The following XKR6 variants were observed in gnomAD, a reference collection of about 807,000 sequenced individuals.
XKR6 encodes XK related 6.
A neutral mutation model predicts 56.7 loss-of-function variants in XKR6; 22 were observed. That is an observed-to-expected ratio of 0.39 (90% CI 0.28 to 0.55). The LOEUF (loss-of-function observed/expected upper bound fraction) is 0.55. XKR6 is among the 20% of genes least tolerant of loss of function. The pLI, the probability that XKR6 is intolerant of heterozygous loss-of-function variation, is 0.66. For synonymous variants in XKR6, 524 were observed against 387.8 expected, an observed-to-expected ratio of 1.35 and a Z score of -4.13; for missense variants, 852 against 889.0, an observed-to-expected ratio of 0.96 and a Z score of 0.53.
chr8:10,915,833 G>A (rs1291182318), intron 2 of XKR6, among the ~76,000 whole-genome samples: 1 of 152,230 alleles, frequency 6.6e-6, no homozygotes, highest in Non-Finnish European at 1.5e-5. Flanking sequence ...CCATGTTCTA[G>A]CGGGAGGAGG....
At chr8:11,186,219 C>G (rs886713621) in intron 1 of XKR6, among the ~76,000 whole-genome samples, 1 of 150,990 alleles carries the variant, frequency 6.6e-6, no homozygotes, top group African/African-American at 2.4e-5. Context: ...CTGGAAGGTA[C>G]CTGATCTACA....
At chr8:10,983,355 G>C (rs1797778729) in intron 1 of XKR6, among the ~76,000 whole-genome samples, 1 of 152,068 alleles carries the variant, frequency 6.6e-6, no homozygotes, top group African/African-American at 2.4e-5. Context: ...AGACTGTGAA[G>C]ACCTTAAAGG....
Position 10,898,016 on chromosome 8 carries a change from A to G in XKR6, c.1862T>C (p.Val621Ala). ...NILQYVTPTA[V>A]GIRYRDGPLL... ...TGGTCCGTCTCGATATCGAATGCCT[A>G]CTGCGGTGGGGGTGACATATTGTAG... is the stretch of plus-strand genomic sequence containing the variant. Residue 621 changes from valine (V) to alanine (A), a missense_variant, in exon 3 of 3, where the codon GTA (valine) becomes GCA (alanine). Val to Ala is a moderately conservative substitution (Grantham distance 64). Around this residue, in one of 4 missense-constraint regions of XKR6, gnomAD observed 39 missense variants for 62.5 expected, o/e 0.62. Transcript: ENST00000416569. The surrounding 1 kb of genome is among the most constrained non-coding windows in gnomAD (Gnocchi z 6.6). The G allele has an allele frequency of 6.2e-7, 1 of 1,613,182 alleles. No homozygotes were observed. The highest frequency in any genetic ancestry group is 8.5e-7 in the Non-Finnish European group (1 of 1,179,638).
intron 1 of XKR6, among the ~76,000 whole-genome samples, chr8:10,966,247 C>G (rs1242639082): frequency 2.0e-5 from 3 of 152,018 alleles, no homozygotes; most frequent in South Asian, 4.2e-4. Flanking sequence ...CCATTTCTAA[C>G]AAGTTCCCAA....
At position 11,048,904 on chromosome 8, in the gene XKR6, C is replaced by T. The variant is rs1244319148; in HGVS notation, c.765-124074G>A. On this transcript the variant is annotated intron_variant, in intron 1 of 2. Coordinates refer to ENST00000416569, the MANE Select transcript of XKR6 (RefSeq NM_173683.4). ...CCTGCCCACTCGCTCCAGCCGGCCC[C>T]GCCTGTCTGTCAATTAAGTGGGCTT... Among the ~76,000 whole-genome samples, 6 of 152,240 alleles carry T rather than the reference C, an allele frequency of 3.9e-5. No homozygotes were observed. In the East Asian group the frequency reaches 5.8e-4, roughly 15 times the overall value.
At chr8:11,163,520 T>C (rs1371500872) in intron 1 of XKR6, among the ~76,000 whole-genome samples, 1 of 152,234 alleles carries the variant, frequency 6.6e-6, no homozygotes, top group Non-Finnish European at 1.5e-5. Flanking sequence ...CTGCATCCGC[T>C]GGAGATAGGT....
At chr8:11,005,249 C>T (rs949540603) in intron 1 of XKR6, among the ~76,000 whole-genome samples, 1 of 152,076 alleles carries the variant, frequency 6.6e-6, no homozygotes, top group African/African-American at 2.4e-5. Flanking sequence ...CAACTCAAAA[C>T]TCATATATTG....
Position 11,045,786 on chromosome 8 carries a change from G to C in XKR6, c.765-120956C>G, listed in dbSNP as rs141846473. The stretch of plus-strand genomic sequence containing the variant: ...TCTCCACCACAGAGGCAGTGCACTG[G>C]TGTGACTTGGGGGTTACCACAAGGA... On this transcript the variant is annotated intron_variant, in intron 1 of 2. Transcript: ENST00000416569. 2.1e-3 allele frequency among the ~76,000 whole-genome samples: 327 copies of C among 152,290 alleles called. 1 individual carries two copies. Among genetic ancestry groups the C allele is most frequent in the African/African-American group, 7.4e-3 (306 of 41,544 alleles).
intron 1 of XKR6, among the ~76,000 whole-genome samples, chr8:10,993,066 A>T (rs975286510): frequency 1.4e-4 from 22 of 152,366 alleles, no homozygotes; most frequent in African/African-American, 4.8e-4. Flanking sequence ...GATTATTTTT[A>T]AAAGTGTATA....
intron 1 of XKR6, among the ~76,000 whole-genome samples, chr8:11,104,314 G>A (rs1021623569): frequency 2.0e-5 from 3 of 152,220 alleles, no homozygotes; most frequent in African/African-American, 7.2e-5. Flanking sequence ...TTGAGGAAGA[G>A]TATCAACCCC....
chr8:11,127,164 A>C (rs907787250), intron 1 of XKR6, among the ~76,000 whole-genome samples: 2 of 152,288 alleles, frequency 1.3e-5, no homozygotes, highest in East Asian at 3.9e-4. Flanking sequence ...CCCACTTCTT[A>C]ACGAGATGTA....
At chr8:11,086,958 G>A (rs1424634456) in intron 1 of XKR6, among the ~76,000 whole-genome samples, 1 of 152,188 alleles carries the variant, frequency 6.6e-6, no homozygotes, top group African/African-American at 2.4e-5. Flanking sequence ...CCAGGCAGTG[G>A]CTCCATGGTC....
At chr8:10,902,157 C>T (rs977651460) in intron 2 of XKR6, among the ~76,000 whole-genome samples, 5 of 152,226 alleles carry the variant, frequency 3.3e-5, no homozygotes, top group Non-Finnish European at 7.3e-5. Flanking sequence ...ACAGACATTC[C>T]TCAGTGTTGC....
At chr8:11,096,670 A>C (rs1468836540) in intron 1 of XKR6, among the ~76,000 whole-genome samples, 1 of 152,188 alleles carries the variant, frequency 6.6e-6, no homozygotes, top group East Asian at 1.9e-4. Context: ...AAAGGCCCCC[A>C]TGAGGTCCAC....
chr8:10,950,574 A>T (rs181689418), intron 1 of XKR6, among the ~76,000 whole-genome samples: 75 of 152,342 alleles, frequency 4.9e-4, no homozygotes, highest in African/African-American at 1.7e-3. Flanking sequence ...GCAGGTGCAA[A>T]TGAAGAAAGG....
intron 1 of XKR6, among the ~76,000 whole-genome samples, chr8:11,072,634 G>T (rs911775785): frequency 6.6e-5 from 10 of 152,244 alleles, no homozygotes; most frequent in African/African-American, 1.9e-4. Context: ...GGTAGAGAAG[G>T]TGGGGGCCAC....
chr8:11,200,920 G>A lies in XKR6; in HGVS notation c.420C>T (p.Phe140=), dbSNP rs990135144. The change falls in exon 1 of 3, where the codon TTC becomes TTT. Residue 140 remains phenylalanine (F), a synonymous_variant. Coordinates refer to ENST00000416569, the MANE Select transcript of XKR6 (RefSeq NM_173683.4). The surrounding 1 kb of genome is among the most constrained non-coding windows in gnomAD (Gnocchi z 6.4). ...GCCACAGGTCGGTGCCCACGTCCCC[G>A]AAGAACACCAGCAGCGCCAGCACGA... is the stretch of plus-strand genomic sequence containing the variant. ...LWIVLALLVF[F]GDVGTDLWLA... is the part of the protein sequence containing the mutation. 6 of 1,608,148 alleles carry A rather than the reference G, an allele frequency of 3.7e-6. No individual in the cohort carries two copies. Among genetic ancestry groups the A allele is most frequent in the Non-Finnish European group, 4.2e-6 (5 of 1,178,892 alleles).
rs767235844 is a variant in XKR6, at chr8:11,028,236, G to A, written c.765-103406C>T. ...CACCAAGTAGCCTTTTCAGGGTGGCGTCCTTCACTTAGGAATAGGTTCTTC... is the reference window on the plus strand; with the variant it reads ...CACCAAGTAGCCTTTTCAGGGTGGCATCCTTCACTTAGGAATAGGTTCTTC... On this transcript the variant is annotated intron_variant, in intron 1 of 2. Transcript: ENST00000416569. 5.3e-5 allele frequency among the ~76,000 whole-genome samples: 8 copies of A among 152,044 alleles called. No individual in the cohort carries two copies. The South Asian group carries it at 6.2e-4, about 12-fold the overall frequency.
intron 1 of XKR6, among the ~76,000 whole-genome samples, chr8:10,982,630 T>C (rs1322661825): frequency 2.6e-5 from 4 of 152,206 alleles, no homozygotes; most frequent in Admixed American, 2.0e-4. Flanking sequence ...GGGAGATATC[T>C]TCCCGGAGTC....
Sources: allele counts gnomAD v4.1 joint callset (sites outside exome capture counted in the v4.1 genomes callset), GRCh38; gene constraint gnomAD v4.1.1; regional missense constraint gnomAD v4.1.1; non-coding constraint Gnocchi (gnomAD v3.1); transcripts MANE v1.5; gene names NCBI Gene and HGNC (gene_info 2026-07-23, HGNC 2026-07-21).